Variants in PPP1R12C observed in about 807,000 individuals in gnomAD.
PPP1R12C encodes protein phosphatase 1 regulatory subunit 12C.
PPP1R12C carries 48 observed loss-of-function variants against 95.6 expected under a neutral mutation model. The observed-to-expected ratio is 0.50, with a 90% CI of 0.40 to 0.64. The LOEUF (loss-of-function observed/expected upper bound fraction) is 0.64, where lower values mean the gene tolerates loss of function less well. Among genes scored for constraint, PPP1R12C ranks in the 30% least tolerant of loss-of-function variants. The probability of loss-of-function intolerance (pLI) is 0.00; values close to 1 mark genes in which losing one functional copy is unlikely to be tolerated. For missense variants in PPP1R12C, 1,057 were observed against 1,083.3 expected (o/e 0.98, Z 0.34); for synonymous variants, 480 against 460.8 (o/e 1.04, Z -0.53).
chr19:55,102,499 G>A (rs570634607), intron 4 of PPP1R12C, among the ~76,000 whole-genome samples: 26 of 152,214 alleles, frequency 1.7e-4, no homozygotes, highest in African/African-American at 4.6e-4. Context: ...GTGACAGAGC[G>A]AGACTCCGTC....
intron 3 of PPP1R12C, among the ~76,000 whole-genome samples, chr19:55,108,688 T>C (rs1339189958): frequency 6.6e-6 from 1 of 152,116 alleles, no homozygotes; most frequent in Non-Finnish European, 1.5e-5. Context: ...ATCTACATTG[T>C]GTGTTTTTTG....
In PPP1R12C at chr19:55,093,220, G is replaced by C. The variant is rs746483392; in HGVS notation, c.1697C>G (p.Thr566Arg). Residue 566 changes from threonine to arginine, a missense_variant, in exon 14 of 22, where the codon ACA (threonine) becomes AGA (arginine). Transcript: ENST00000263433. ...AGCCTTCTCTGCCTCCTTCAGGTCT[G>C]TAAGAGTCACACCCTGGCAGGGAAA... ...SRRSTQGVTL[T>R]DLKEAEKAAG... is the part of the protein sequence containing the mutation. The C allele has an allele frequency of 6.2e-7, 1 of 1,613,260 alleles. No homozygotes were observed. The highest frequency in any genetic ancestry group is 8.5e-7 in the Non-Finnish European group (1 of 1,179,888).
intron 1 of PPP1R12C, chr19:55,113,820 A>T: frequency 9.4e-6 from 2 of 213,208 alleles, no homozygotes; most frequent in Non-Finnish European, 9.2e-6. Context: ...TCATGGCGAT[A>T]GGGGAGGGGG....
rs756594022 is a variant in PPP1R12C at position 55,104,180 on chromosome 19, G to GTATA, written c.572-616_572-613dup. ...TCTGTCTAAAAAAAAAAAAAAAAAA[G>GTATA]TATATATATATATATATATACACAC... On this transcript the variant is annotated intron_variant, in intron 3 of 21. Coordinates refer to ENST00000263433, the MANE Select transcript of PPP1R12C (RefSeq NM_017607.4). Among the ~76,000 whole-genome samples the GTATA allele has an allele frequency of 5.9e-3, 428 of 72,820 alleles. 2 individuals are homozygous for GTATA. Among genetic ancestry groups the GTATA allele is most frequent in the South Asian group, 0.011 (20 of 1,902 alleles). The allele number at this position is 72,820 out of a possible 152,430, so 47.8% of individuals were successfully genotyped here.
At chr19:55,113,233 G>A (rs1356017609) in intron 1 of PPP1R12C, 5 of 550,226 alleles carry the variant, frequency 9.1e-6, no homozygotes, top group Non-Finnish European at 1.5e-5. Flanking sequence ...AACCCAGCCA[G>A]GTCCTTCCAA....
chr19:55,104,182 A>G (rs1162807722), intron 3 of PPP1R12C, among the ~76,000 whole-genome samples: 3 of 94,096 alleles, frequency 3.2e-5, no homozygotes, highest in East Asian at 4.2e-4. Flanking sequence ...AAAAAAAAGT[A>G]TATATATATA....
chr19:55,115,200 C>T (rs2085140826), intron 1 of PPP1R12C: 1 of 152,244 alleles, frequency 6.6e-6, no homozygotes, highest in African/African-American at 2.4e-5. Flanking sequence ...ACCTAGGACG[C>T]ACCATTCTCA....
chr19:55,096,051 C>G lies in PPP1R12C; in HGVS notation c.1153G>C (p.Glu385Gln), dbSNP rs148658340. The change falls in exon 8 of 22, where the codon GAA (glutamate) becomes CAA (glutamine). Residue 385 changes from glutamate (E) to glutamine (Q), a missense_variant and splice_region_variant. Physicochemically the swap from Glu to Gln is conservative, Grantham distance 29. Around this residue, in one of 5 missense-constraint regions of PPP1R12C, gnomAD observed 356 missense variants for 330.5 expected, o/e 1.08. Transcript: ENST00000263433. ...AGGAGTCCAGATTCAGGCCCCTCAC[C>G]GGTGGGACCTTCTTCCCCCTCATCC... The part of the protein sequence containing the change: ...DEDEGEEGPT[E>Q]PPPAEPRTLN... The G allele has an allele frequency of 4.3e-6, 7 of 1,609,468 alleles. No individual in the cohort carries two copies. Among genetic ancestry groups the G allele is most frequent in the Non-Finnish European group, 5.1e-6 (6 of 1,179,222 alleles).
rs1157297987 is a variant in PPP1R12C at position 55,092,868 on chromosome 19, G to C, written c.1826C>G (p.Ala609Gly). Residue 609 changes from alanine (A) to glycine (G), a missense_variant and splice_region_variant, in exon 16 of 22, where the codon GCA becomes GGA. Physicochemically the swap from Ala to Gly is moderately conservative, Grantham distance 60. Around this residue, in one of 5 missense-constraint regions of PPP1R12C, gnomAD observed 347 missense variants for 307.9 expected, o/e 1.13. Coordinates refer to ENST00000263433, the MANE Select transcript of PPP1R12C (RefSeq NM_017607.4). ...VENSDSPAQR[A>G]EAPDGQGPGP... ...CGGACCCTGCCCGTCGGGCGCCTCTGCTGGGGGAGGGGCAGGAATCAGCCC... is the reference window on the plus strand; with the variant it reads ...CGGACCCTGCCCGTCGGGCGCCTCTCCTGGGGGAGGGGCAGGAATCAGCCC... 3 of 1,593,654 alleles carry C rather than the reference G, an allele frequency of 1.9e-6. No homozygotes were observed. The Admixed American group carries it at 5.3e-5, about 28-fold the overall frequency.
rs757882370 is a variant in PPP1R12C, at chr19:55,092,846, A to G, written c.1848T>C (p.Gly616=). ...AQRAEAPDGQ[G]PGPQAAREHR... is the part of the protein sequence containing the mutation. ...GCTCCCTGGCCGCCTGCGGTCCCGG[A>G]CCCTGCCCGTCGGGCGCCTCTGCTG... is the stretch of plus-strand genomic sequence containing the variant. The change falls in exon 16 of 22, where the codon GGT becomes GGC. Residue 616 remains glycine (G), a synonymous_variant. Transcript: ENST00000263433. 5 of 1,575,070 alleles carry G rather than the reference A, an allele frequency of 3.2e-6. No homozygotes were observed. The highest frequency in any genetic ancestry group is 4.3e-6 in the Non-Finnish European group (5 of 1,161,444).
At chr19:55,103,306 G>A (rs921360976) in intron 4 of PPP1R12C, 103 bp downstream of exon 4, 15 of 1,166,968 alleles carry the variant, frequency 1.3e-5, no homozygotes, top group East Asian at 8.6e-5. Flanking sequence ...GTATTTAGAG[G>A]GAAATACATA....
rs1037153829 is a variant in PPP1R12C at position 55,098,676 on chromosome 19, T to TG, written c.951+107dup. Reference sequence around the variant, plus strand: ...CACCAAGAGGGAAATAGCAGGTCGCTGGGGTGGTGGGTGTCAGAAGTCGGG... The same window carrying TG: ...CACCAAGAGGGAAATAGCAGGTCGCTGGGGGTGGTGGGTGTCAGAAGTCGGG... On this transcript the variant is annotated intron_variant, in intron 6 of 21. Transcript: ENST00000263433. The TG allele has an allele frequency of 9.5e-6, 13 of 1,361,290 alleles. No homozygotes were observed. The Admixed American group carries it at 1.6e-4, about 17-fold the overall frequency. The allele number at this position is 1,361,290 out of a possible 1,614,324, so 84.3% of individuals were successfully genotyped here. A position where few individuals can be genotyped will look rare whatever the true frequency, so the allele number is the denominator to read the frequency against.
At chr19:55,116,077 G>A (rs1360224318) in intron 1 of PPP1R12C, among the ~76,000 whole-genome samples, 1 of 152,210 alleles carries the variant, frequency 6.6e-6, no homozygotes, top group Admixed American at 6.5e-5. Flanking sequence ...GGGGTGTCCA[G>A]GCAAAGAAAG....
In PPP1R12C at chr19:55,092,820, T is replaced by C. The variant is rs2147177491; in HGVS notation, c.1874A>G (p.His625Arg). The change falls in exon 16 of 22, where the codon CAC (histidine) becomes CGC (arginine). Residue 625 changes from histidine to arginine, a missense_variant. Transcript: ENST00000263433. ...QGPGPQAAREHRKVGKEWRGP... is the reference protein window; with the variant it reads ...QGPGPQAARERRKVGKEWRGP... ...CCTCCACTCCTTTCCGACCTTGCGG[T>C]GCTCCCTGGCCGCCTGCGGTCCCGG... The C allele has an allele frequency of 6.4e-7, 1 of 1,564,370 alleles. No individual in the cohort carries two copies. Among genetic ancestry groups the C allele is most frequent in the East Asian group, 2.4e-5 (1 of 41,802 alleles).
Position 55,092,772 on chromosome 19 carries a change from G to A in PPP1R12C, c.1911+11C>T. 6.5e-7 allele frequency: 1 copy of A among 1,550,092 alleles called. No homozygotes were observed. Among genetic ancestry groups the A allele is most frequent in the Non-Finnish European group, 8.7e-7 (1 of 1,146,712 alleles). ...CCTCTGCACCAGCTCGGCCCCACCTGAGCCCCTCACCTCCGCAGGCCCCCT... is the reference window on the plus strand; with the variant it reads ...CCTCTGCACCAGCTCGGCCCCACCTAAGCCCCTCACCTCCGCAGGCCCCCT... On this transcript the variant is annotated intron_variant, in intron 16 of 21. Coordinates refer to ENST00000263433, the MANE Select transcript of PPP1R12C (RefSeq NM_017607.4).
intron 3 of PPP1R12C, among the ~76,000 whole-genome samples, chr19:55,105,499 T>C (rs1356664237): frequency 3.9e-5 from 6 of 152,206 alleles, no homozygotes; most frequent in Admixed American, 6.6e-5. Flanking sequence ...GTTGTGGTGG[T>C]GGTGGTAAAA....
rs1440948149 is a variant in PPP1R12C, at chr19:55,117,405, C to T, written c.139G>A (p.Val47Ile). 30 of 1,027,896 alleles carry T rather than the reference C, an allele frequency of 2.9e-5. No individual in the cohort carries two copies. Among genetic ancestry groups the T allele is most frequent in the Non-Finnish European group, 3.5e-5 (30 of 860,544 alleles). The allele number at this position is 1,027,896 out of a possible 1,614,324, so 63.7% of individuals were successfully genotyped here. ...PGPGERRART[V>I]RFERAAEFLA... The stretch of plus-strand genomic sequence containing the variant: ...AACTCGGCGGCGCGCTCGAAGCGGA[C>T]GGTGCGGGCGCGGCGCTCTCCGGGG... Residue 47 changes from valine (V) to isoleucine (I), a missense_variant, in exon 1 of 22, where the codon GTC becomes ATC. Physicochemically the swap from Val to Ile is conservative, Grantham distance 29 (BLOSUM62 3). Coordinates refer to ENST00000263433, the MANE Select transcript of PPP1R12C (RefSeq NM_017607.4).
At chr19:55,108,602 G>A (rs540646599) in intron 3 of PPP1R12C, among the ~76,000 whole-genome samples, 10 of 152,214 alleles carry the variant, frequency 6.6e-5, no homozygotes, top group African/African-American at 2.2e-4. Context: ...CCTCACAGAC[G>A]TGGAATCAGA....
At position 55,117,536 on chromosome 19, in the gene PPP1R12C, C is replaced by A; in HGVS notation, c.8G>T (p.Gly3Val). MS[G>V]EDGPAAGPGA... ...CGGGCCAGCCGCCGGGCCATCCTCT[C>A]CGGACATCGCACCGCCCGCCCGCCC... Residue 3 changes from glycine (G) to valine (V), a missense_variant, in exon 1 of 22, where the codon GGA becomes GTA. Coordinates refer to ENST00000263433, the MANE Select transcript of PPP1R12C (RefSeq NM_017607.4). 1 of 1,007,308 alleles carries A rather than the reference C, an allele frequency of 9.9e-7. No individual in the cohort carries two copies. The highest frequency in any genetic ancestry group is 1.2e-6 in the Non-Finnish European group (1 of 847,018). 62.4% of individuals were successfully genotyped at this position (1,007,308 alleles called of 1,614,324 possible).
Sources: allele counts gnomAD v4.1 joint callset (sites outside exome capture counted in the v4.1 genomes callset), GRCh38; gene constraint gnomAD v4.1.1; regional missense constraint gnomAD v4.1.1; transcripts MANE v1.5; gene names NCBI Gene and HGNC (gene_info 2026-07-23, HGNC 2026-07-21).